The following BRINP2 variants were observed in gnomAD, a reference collection of about 807,000 sequenced individuals.
BRINP2 encodes the protein BMP/retinoic acid inducible neural specific 2.
A neutral mutation model predicts 69.2 loss-of-function variants in BRINP2; 21 were observed. The ratio of observed to expected loss-of-function variants is 0.30; its 90% CI spans 0.22 to 0.44. The LOEUF (loss-of-function observed/expected upper bound fraction) is 0.44. BRINP2 is among the 20% of genes least tolerant of loss of function. The pLI is 1.00. For synonymous variants in BRINP2, 380 were observed against 394.1 expected (o/e 0.96, Z 0.42); for missense variants, 877 against 986.0 (o/e 0.89, Z 1.48).
intron 2 of BRINP2, among the ~76,000 whole-genome samples, chr1:177,255,025 G>A (rs1392628163): frequency 6.6e-6 from 1 of 152,090 alleles, no homozygotes; most frequent in African/African-American, 2.4e-5. Flanking sequence ...ATAGAACACT[G>A]GATTTAATGT....
intron 4 of BRINP2, 95 bp downstream of exon 4, chr1:177,257,479 G>T: frequency 8.4e-7 from 1 of 1,195,710 alleles, no homozygotes; most frequent in Non-Finnish European, 1.2e-6. Flanking sequence ...CAGCTGGGCC[G>T]ACTGATGGAA....
intron 4 of BRINP2, among the ~76,000 whole-genome samples, chr1:177,273,123 C>T (rs1651382632): frequency 6.6e-6 from 1 of 152,170 alleles, no homozygotes. Flanking sequence ...GGCTTTCCAG[C>T]AGGCTGACAG....
At position 177,281,010 on chromosome 1, in the gene BRINP2, G is replaced by A; in HGVS notation, c.1834G>A (p.Asp612Asn). The change falls in exon 8 of 8, where the codon GAC (aspartate) becomes AAC (asparagine). Residue 612 changes from aspartate (D) to asparagine (N), a missense_variant. Transcript: ENST00000361539. ...FMPVNEGSFPDWERTNVDAAA... is the reference protein window; with the variant it reads ...FMPVNEGSFPNWERTNVDAAA... The stretch of plus-strand genomic sequence containing the variant: ...GCCTGTGAATGAGGGCAGCTTTCCT[G>A]ACTGGGAAAGGACTAACGTGGATGC... The A allele has an allele frequency of 6.2e-7, 1 of 1,614,168 alleles. No homozygotes were observed. The highest frequency in any genetic ancestry group is 2.2e-5 in the East Asian group (1 of 44,880).
intron 1 of BRINP2, among the ~76,000 whole-genome samples, chr1:177,225,243 C>G (rs1347832970): frequency 6.6e-6 from 1 of 152,202 alleles, no homozygotes; most frequent in Non-Finnish European, 1.5e-5. Context: ...CCCATTTACT[C>G]CATGGCTTAA....
chr1:177,246,638 G>A (rs1650393831), intron 2 of BRINP2, among the ~76,000 whole-genome samples: 2 of 152,210 alleles, frequency 1.3e-5, no homozygotes, highest in Admixed American at 6.5e-5. Flanking sequence ...GATCAGGAGG[G>A]CCAAAGAATA....
chr1:177,175,410 A>T (rs1215943195), intron 1 of BRINP2, among the ~76,000 whole-genome samples: 1 of 151,960 alleles, frequency 6.6e-6, no homozygotes, highest in Non-Finnish European at 1.5e-5. Context: ...AGGGCCCACC[A>T]GGAGAGAGCT....
At chr1:177,198,685 A>C (rs916822724) in intron 1 of BRINP2, among the ~76,000 whole-genome samples, 3 of 152,220 alleles carry the variant, frequency 2.0e-5, no homozygotes, top group African/African-American at 7.2e-5. Context: ...CTGTTTCTTC[A>C]TCCCTCATTG....
At chr1:177,269,345 T>A (rs74452564) in intron 4 of BRINP2, among the ~76,000 whole-genome samples, 2,629 of 152,276 alleles carry the variant, frequency 0.017, 88 homozygotes, top group African/African-American at 0.06. Context: ...TACATAGACA[T>A]CCTGTCCATA....
chr1:177,278,338 G>A (rs1450572986), intron 6 of BRINP2, among the ~76,000 whole-genome samples: 1 of 149,094 alleles, frequency 6.7e-6, no homozygotes, highest in East Asian at 1.9e-4. Context: ...AGAGGCATAG[G>A]AGTAGAAAAG....
intron 1 of BRINP2, among the ~76,000 whole-genome samples, chr1:177,203,880 G>C (rs972924795): frequency 2.6e-5 from 4 of 152,172 alleles, no homozygotes; most frequent in Non-Finnish European, 5.9e-5. Flanking sequence ...GATGTTTCAA[G>C]AGGCTATAAT....
chr1:177,245,173 T>C (rs776603494), intron 2 of BRINP2, among the ~76,000 whole-genome samples: 25 of 152,172 alleles, frequency 1.6e-4, no homozygotes, highest in Non-Finnish European at 3.2e-4. Context: ...GTGATGGTGA[T>C]AATGATGTAT....
At chr1:177,261,895 G>C (rs1195825974) in intron 4 of BRINP2, among the ~76,000 whole-genome samples, 8 of 152,178 alleles carry the variant, frequency 5.3e-5, no homozygotes, top group Non-Finnish European at 7.3e-5. Context: ...CGTGAAGAAT[G>C]TTTTTCACAA....
chr1:177,235,550 A>G (rs1426961027), intron 2 of BRINP2, among the ~76,000 whole-genome samples: 3 of 152,166 alleles, frequency 2.0e-5, no homozygotes. Context: ...GAGATGGGGA[A>G]GTGAGGAGGC....
chr1:177,210,191 T>G (rs1427741723), intron 1 of BRINP2, among the ~76,000 whole-genome samples: 2 of 152,164 alleles, frequency 1.3e-5, no homozygotes, highest in Non-Finnish European at 2.9e-5. Context: ...CCTAACAAGT[T>G]AATATTTATC....
intron 6 of BRINP2, among the ~76,000 whole-genome samples, chr1:177,277,673 G>A (rs1012436226): frequency 6.6e-6 from 1 of 152,072 alleles, no homozygotes; most frequent in Non-Finnish European, 1.5e-5. Context: ...TAGCGAAGGA[G>A]AATATCACAT....
intron 4 of BRINP2, among the ~76,000 whole-genome samples, chr1:177,272,815 C>T (rs1651371077): frequency 6.6e-6 from 1 of 152,204 alleles, no homozygotes; most frequent in Non-Finnish European, 1.5e-5. Flanking sequence ...TAAAGCTTCC[C>T]ATTTTTCATC....
intron 4 of BRINP2, among the ~76,000 whole-genome samples, chr1:177,258,558 G>GTTTTGT (rs540278407): frequency 2.0e-5 from 3 of 152,134 alleles, no homozygotes; most frequent in Non-Finnish European, 2.9e-5. Flanking sequence ...AGATACTGTG[G>GTTTTGT]TTTTGTTTTT....
intron 2 of BRINP2, among the ~76,000 whole-genome samples, chr1:177,254,217 C>T (rs914068265): frequency 3.9e-5 from 6 of 152,042 alleles, no homozygotes; most frequent in Non-Finnish European, 8.8e-5. Flanking sequence ...AATATGGATC[C>T]GCTTAGTCTA....
chr1:177,215,606 T>A (rs946642672), intron 1 of BRINP2, among the ~76,000 whole-genome samples: 2 of 152,202 alleles, frequency 1.3e-5, no homozygotes, highest in African/African-American at 4.8e-5. Context: ...ATTTTGGGTT[T>A]TCTATATAGA....
Sources: allele counts gnomAD v4.1 joint callset (sites outside exome capture counted in the v4.1 genomes callset), GRCh38; gene constraint gnomAD v4.1.1; transcripts MANE v1.5; gene names NCBI Gene and HGNC (gene_info 2026-07-23, HGNC 2026-07-21).